The following TANC2 variants were observed in gnomAD, a reference collection of about 807,000 sequenced individuals.
TANC2 encodes protein TANC2.
TANC2 carries 26 observed loss-of-function variants against 210.5 expected under a neutral mutation model. The ratio of observed to expected loss-of-function variants is 0.12; its 90% CI spans 0.09 to 0.17. The LOEUF is 0.17. Ranked by LOEUF, TANC2 falls within the 10% of genes least tolerant of loss-of-function variation. The pLI, the probability that TANC2 is intolerant of heterozygous loss-of-function variation, is 1.00. For synonymous variants in TANC2, 931 were observed against 967.1 expected (o/e 0.96, Z 0.69); for missense variants, 2,129 against 2,608.9 (o/e 0.82, Z 4.01).
chr17:63,306,340 C>T (rs2044904952), intron 9 of TANC2, among the ~76,000 whole-genome samples: 2 of 152,088 alleles, frequency 1.3e-5, no homozygotes, highest in Admixed American at 1.3e-4. Context: ...TATAATGACA[C>T]CCTGATATAA....
chr17:63,108,173 G>A (rs1468546021), intron 4 of TANC2, among the ~76,000 whole-genome samples: 3 of 151,646 alleles, frequency 2.0e-5, no homozygotes, highest in Non-Finnish European at 2.9e-5. Flanking sequence ...ATGAGTTAAG[G>A]CAGATTTCAT....
At chr17:63,205,957 A>G (rs530728647) in intron 7 of TANC2, among the ~76,000 whole-genome samples, 1 of 152,298 alleles carries the variant, frequency 6.6e-6, no homozygotes, top group African/African-American at 2.4e-5. Context: ...GAAATAATGT[A>G]TCTGATAAGG....
intron 5 of TANC2, chr17:63,182,072 A>C (rs190402976): frequency 6.6e-6 from 1 of 152,484 alleles, no homozygotes; most frequent in East Asian, 1.9e-4. Context: ...CATCACTGCC[A>C]CCAGCACTGC....
chr17:63,201,345 T>C (rs2041527368), intron 7 of TANC2, among the ~76,000 whole-genome samples: 1 of 152,232 alleles, frequency 6.6e-6, no homozygotes, highest in Non-Finnish European at 1.5e-5. Context: ...GAAAGAGTTA[T>C]GATTTGAGTT....
intron 4 of TANC2, among the ~76,000 whole-genome samples, chr17:63,120,446 A>G (rs887542696): frequency 2.6e-5 from 4 of 152,148 alleles, no homozygotes; most frequent in African/African-American, 4.8e-5. Flanking sequence ...AAGACTTAAT[A>G]CTTTGGATGA....
chr17:63,207,558 C>T (rs1294961206), intron 7 of TANC2, among the ~76,000 whole-genome samples: 1 of 152,162 alleles, frequency 6.6e-6, no homozygotes, highest in East Asian at 1.9e-4. Flanking sequence ...CAGATACATT[C>T]ATGTTGTTGC....
chr17:63,161,819 G>A (rs1342065011), intron 5 of TANC2, among the ~76,000 whole-genome samples: 1 of 152,138 alleles, frequency 6.6e-6, no homozygotes, highest in Non-Finnish European at 1.5e-5. Context: ...CCACCGATTA[G>A]TAGTAGGTGC....
chr17:63,413,564 C>T, exon 25 of TANC2: 1 of 1,598,874 alleles, frequency 6.3e-7, no homozygotes, highest in Admixed American at 1.7e-5. Flanking sequence ...TGGGCGATGG[C>T]CACCTCCAAG....
At chr17:63,287,018 C>G (rs1011858564) in intron 9 of TANC2, among the ~76,000 whole-genome samples, 4 of 152,174 alleles carry the variant, frequency 2.6e-5, no homozygotes, top group East Asian at 1.9e-4. Context: ...ACTGCAACCT[C>G]TGCCTCCCGG....
chr17:63,301,509 G>C, intron 9 of TANC2, among the ~76,000 whole-genome samples: 1 of 152,178 alleles, frequency 6.6e-6, no homozygotes, highest in Non-Finnish European at 1.5e-5. Context: ...AGCCTTGGGA[G>C]GGTGTATGTG....
chr17:63,134,334 T>C (rs2145247588), intron 4 of TANC2, among the ~76,000 whole-genome samples: 1 of 152,328 alleles, frequency 6.6e-6, no homozygotes, highest in South Asian at 2.1e-4. Flanking sequence ...ACACCTAGCA[T>C]TGAGCACATT....
exon 28 of TANC2, chr17:63,423,629 G>C (rs28369023): frequency 6.6e-6 from 1 of 152,182 alleles, no homozygotes; most frequent in East Asian, 1.9e-4. Flanking sequence ...AAGTAAGTAA[G>C]TGCCCTTTGA....
chr17:63,206,199 TAAC>T (rs1327785097), intron 7 of TANC2, among the ~76,000 whole-genome samples: 2 of 152,172 alleles, frequency 1.3e-5, no homozygotes, highest in African/African-American at 2.4e-5. Flanking sequence ...AAGTGGAACA[TAAC>T]AAGTGTTGGC....
Position 63,337,021 on chromosome 17 carries a change from T to C in TANC2, c.1576-3080T>C, listed in dbSNP as rs183921259. On this transcript the variant is annotated intron_variant, in intron 11 of 27. Transcript: ENST00000689528. ...CATTTTCAGGCTTGTTTTCTATTTT[T>C]ATACAGAGGGAAAGTTATACGTAAT... Among the ~76,000 whole-genome samples the C allele has an allele frequency of 7.7e-4, 118 of 152,332 alleles. 1 individual carries two copies. Among genetic ancestry groups the C allele is most frequent in the African/African-American group, 2.8e-3 (116 of 41,590 alleles).
At chr17:63,345,636 A>C (rs941188456) in intron 12 of TANC2, among the ~76,000 whole-genome samples, 3 of 151,604 alleles carry the variant, frequency 2.0e-5, no homozygotes, top group Non-Finnish European at 4.4e-5. Context: ...AAAAAAAAAA[A>C]AAACACATAA....
At chr17:63,369,635 C>T (rs1052379022) in intron 14 of TANC2, among the ~76,000 whole-genome samples, 8 of 150,820 alleles carry the variant, frequency 5.3e-5, no homozygotes, top group Non-Finnish European at 8.8e-5. Context: ...CTCATGGCAG[C>T]CCCTGCCTCC....
At chr17:63,319,729 C>G (rs968761748) in intron 11 of TANC2, among the ~76,000 whole-genome samples, 1 of 152,258 alleles carries the variant, frequency 6.6e-6, no homozygotes, top group Admixed American at 6.5e-5. Context: ...TAAAACTCTT[C>G]GTGCTATACT....
chr17:63,152,527 CAG>C (rs2145412680), intron 5 of TANC2: 1 of 152,228 alleles, frequency 6.6e-6, no homozygotes, highest in East Asian at 1.9e-4. Flanking sequence ...AAATCAATCA[CAG>C]TTTTGTATTA....
intron 1 of TANC2, among the ~76,000 whole-genome samples, chr17:63,001,812 T>C (rs1331479033): frequency 6.6e-6 from 1 of 152,132 alleles, no homozygotes; most frequent in Non-Finnish European, 1.5e-5. Flanking sequence ...CCTCCCAAAG[T>C]GTTGAGATTA....
Sources: allele counts gnomAD v4.1 joint callset (sites outside exome capture counted in the v4.1 genomes callset), GRCh38; gene constraint gnomAD v4.1.1; transcripts MANE v1.5; gene names NCBI Gene and HGNC (gene_info 2026-07-23, HGNC 2026-07-21).